Variants in ABTB3 observed in about 807,000 individuals in gnomAD.
ABTB3 encodes ankyrin repeat and BTB domain containing 3, also known as ankyrin repeat- and BTB/POZ domain-containing protein 3.
chr12:107,540,356 A>C, the ABTB3 span, among the ~76,000 whole-genome samples: 1 of 152,136 alleles, frequency 6.6e-6, no homozygotes, highest in African/African-American at 2.4e-5. Flanking sequence ...TGTTCTATCC[A>C]GGCCTCGGCC....
the ABTB3 span, among the ~76,000 whole-genome samples, chr12:107,630,076 A>G: frequency 6.6e-6 from 1 of 152,142 alleles, no homozygotes; most frequent in South Asian, 2.1e-4. Context: ...CACAGGGCAG[A>G]CACCTCCACA....
At chr12:107,366,335 T>C in the ABTB3 span, among the ~76,000 whole-genome samples, 1 of 152,206 alleles carries the variant, frequency 6.6e-6, no homozygotes, top group East Asian at 1.9e-4. Context: ...CTGGATATAA[T>C]TATTCTCCTG....
chr12:107,520,529 C>G, the ABTB3 span: 2 of 1,614,196 alleles, frequency 1.2e-6, no homozygotes, highest in Admixed American at 3.3e-5. Context: ...CACAGAGACC[C>G]ACAGCGGTCA....
At chr12:107,422,317 G>A in the ABTB3 span, among the ~76,000 whole-genome samples, 3 of 152,194 alleles carry the variant, frequency 2.0e-5, no homozygotes, top group Non-Finnish European at 4.4e-5. Flanking sequence ...ATGGGTCAGA[G>A]AGGGAGATGG....
the ABTB3 span, among the ~76,000 whole-genome samples, chr12:107,536,937 T>C: frequency 6.6e-6 from 1 of 152,194 alleles, no homozygotes; most frequent in African/African-American, 2.4e-5. Flanking sequence ...CTCATGTTTA[T>C]TGTAACACTA....
the ABTB3 span, among the ~76,000 whole-genome samples, chr12:107,515,211 C>T: frequency 6.6e-6 from 1 of 152,022 alleles, no homozygotes; most frequent in Non-Finnish European, 1.5e-5. Flanking sequence ...GCTCAGGCCT[C>T]CAAGTCCCAG....
chr12:107,658,002 G>C, the ABTB3 span: 6 of 456,896 alleles, frequency 1.3e-5, no homozygotes, highest in African/African-American at 3.9e-5. Context: ...CCACTGTCCA[G>C]TGAATGGATT....
chr12:107,507,709 G>A, the ABTB3 span, among the ~76,000 whole-genome samples: 5 of 152,188 alleles, frequency 3.3e-5, no homozygotes, highest in Non-Finnish European at 7.3e-5. Flanking sequence ...TGCACCATGA[G>A]TTTTCTTGCC....
the ABTB3 span, chr12:107,320,627 G>C: frequency 4.4e-6 from 2 of 456,018 alleles, no homozygotes. Flanking sequence ...GGCCTAGACA[G>C]TCGTAAAGGT....
chr12:107,450,280 G>A, the ABTB3 span, among the ~76,000 whole-genome samples: 1 of 152,148 alleles, frequency 6.6e-6, no homozygotes, highest in Admixed American at 6.5e-5. Flanking sequence ...AGGGGCAAGG[G>A]AAAGCTTCCC....
At chr12:107,580,589 G>A in the ABTB3 span, 2 of 208,584 alleles carry the variant, frequency 9.6e-6, no homozygotes, top group East Asian at 1.2e-4. Flanking sequence ...TCTCTTTAGA[G>A]AGCCTTTTCT....
the ABTB3 span, among the ~76,000 whole-genome samples, chr12:107,375,689 C>T: frequency 6.6e-6 from 1 of 152,140 alleles, no homozygotes; most frequent in Non-Finnish European, 1.5e-5. Context: ...GGAGGCCAGA[C>T]CTGGGCCAGA....
chr12:107,489,208 T>C, the ABTB3 span, among the ~76,000 whole-genome samples: 2 of 152,162 alleles, frequency 1.3e-5, no homozygotes, highest in East Asian at 1.9e-4. Flanking sequence ...TATAGCAATA[T>C]ATGTCAAAGG....
the ABTB3 span, among the ~76,000 whole-genome samples, chr12:107,369,630 C>T: frequency 5.3e-5 from 8 of 150,924 alleles, no homozygotes; most frequent in Non-Finnish European, 1.2e-4. Flanking sequence ...AACTCCTGAC[C>T]TCAGACGATC....
chr12:107,638,629 T>A, the ABTB3 span, among the ~76,000 whole-genome samples: 1 of 152,202 alleles, frequency 6.6e-6, no homozygotes, highest in East Asian at 1.9e-4. Flanking sequence ...GTTCTTTCAT[T>A]CACTCGAAAA....
chr12:107,654,815 T>TACACACACAC, the ABTB3 span, among the ~76,000 whole-genome samples: 1,242 of 141,236 alleles, frequency 8.8e-3, 23 homozygotes, highest in African/African-American at 0.029. Flanking sequence ...CTACATTGTA[T>TACACACACAC]ACACACACAC....
At chr12:107,643,768 T>G in the ABTB3 span, among the ~76,000 whole-genome samples, 9 of 143,588 alleles carry the variant, frequency 6.3e-5, no homozygotes, top group East Asian at 5.8e-4. Flanking sequence ...TTTTTTTTTT[T>G]TTGTTGAGAG....
the ABTB3 span, among the ~76,000 whole-genome samples, chr12:107,471,246 G>A: frequency 6.6e-5 from 10 of 152,182 alleles, no homozygotes; most frequent in African/African-American, 2.4e-4. Flanking sequence ...TTACAGATGA[G>A]GAAACCAAGG....
the ABTB3 span, chr12:107,658,617 T>C: frequency 6.6e-6 from 1 of 152,616 alleles, no homozygotes; most frequent in Non-Finnish European, 1.5e-5. Flanking sequence ...TTTGCCAAGG[T>C]AAAAATGTTC....
Sources: allele counts gnomAD v4.1 joint callset (sites outside exome capture counted in the v4.1 genomes callset), GRCh38; gene constraint gnomAD v4.1.1; transcripts MANE v1.5; gene names NCBI Gene and HGNC (gene_info 2026-07-23, HGNC 2026-07-21).